The following CCDC88C variants were observed in gnomAD, a reference collection of about 807,000 sequenced individuals.
The protein encoded by CCDC88C is coiled-coil and HOOK domain protein 88C, also known as protein Daple.
A neutral mutation model predicts 198.8 loss-of-function variants in CCDC88C; 131 were observed. That is an observed-to-expected ratio of 0.66 (90% CI 0.57 to 0.76). The LOEUF is 0.76. CCDC88C is among the 30% of genes least tolerant of loss of function. The probability of loss-of-function intolerance (pLI) is 0.00; values close to 1 mark genes in which losing one functional copy is unlikely to be tolerated. For missense variants in CCDC88C, 2,553 were observed against 2,631.6 expected, an observed-to-expected ratio of 0.97 and a Z score of 0.65; for synonymous variants, 1,166 against 1,114.7, an observed-to-expected ratio of 1.05 and a Z score of -0.92.
intron 15 of CCDC88C, among the ~76,000 whole-genome samples, chr14:91,312,123 C>A (rs1891855820): frequency 6.6e-6 from 1 of 152,046 alleles, no homozygotes; most frequent in Admixed American, 6.5e-5. Flanking sequence ...GTGCAGTGGC[C>A]CACACCTGTA....
chr14:91,380,026 C>T (rs1884691921), intron 3 of CCDC88C: 3 of 636,770 alleles, frequency 4.7e-6, no homozygotes, highest in Non-Finnish European at 5.7e-6. Flanking sequence ...CGCTGAAGGT[C>T]CTTTCTCCTT....
At chr14:91,407,093 C>A (rs1327002105) in intron 3 of CCDC88C, among the ~76,000 whole-genome samples, 4 of 151,970 alleles carry the variant, frequency 2.6e-5, no homozygotes, top group Non-Finnish European at 5.9e-5. Flanking sequence ...GCCCCCCCCA[C>A]CCAACAGGAG....
chr14:91,353,640 T>A (rs1285804), intron 4 of CCDC88C, among the ~76,000 whole-genome samples: 1 of 152,212 alleles, frequency 6.6e-6, no homozygotes, highest in Non-Finnish European at 1.5e-5. Context: ...GTGCAGTAGA[T>A]AGAGTTCTGC....
At position 91,337,991 on chromosome 14, in the gene CCDC88C, G is replaced by A; in HGVS notation, c.1050+14C>T. ...AGCAGCCCCATCCAGGGGCCTCACA[G>A]CAAGGCTCCCTACCTCCATGCGGGC... On this transcript the variant is annotated intron_variant, in intron 10 of 29. Coordinates refer to ENST00000389857, the MANE Select transcript of CCDC88C (RefSeq NM_001080414.4). 7 of 1,608,348 alleles carry A rather than the reference G, an allele frequency of 4.4e-6. No individual in the cohort carries two copies. The highest frequency in any genetic ancestry group is 5.1e-6 in the Non-Finnish European group (6 of 1,179,782).
intron 3 of CCDC88C, chr14:91,408,365 C>T (rs945094854): frequency 3.0e-5 from 10 of 334,466 alleles, no homozygotes; most frequent in Middle Eastern, 9.5e-4. Context: ...AGTCCCCACT[C>T]AACTGCATTC....
rs1051411631 is a variant in CCDC88C, at chr14:91,417,482, G to A, written c.60+149C>T. On this transcript the variant is annotated intron_variant, in intron 1 of 29. Transcript: ENST00000389857. The stretch of plus-strand genomic sequence containing the variant: ...ACAAAGCTCCGGACTCCAGGACGCG[G>A]CCCCAACCCCGGCCGGGAGCCACTT... 9.6e-6 allele frequency: 6 copies of A among 625,454 alleles called. No homozygotes were observed. The African/African-American group carries it at 9.8e-5, about 10-fold the overall frequency. The allele number at this position is 625,454 out of a possible 1,614,324, so 38.7% of individuals were successfully genotyped here. A position where few individuals can be genotyped will look rare whatever the true frequency, so the allele number is the denominator to read the frequency against.
chr14:91,397,622 G>T (rs1459502809), intron 3 of CCDC88C, among the ~76,000 whole-genome samples: 1 of 152,210 alleles, frequency 6.6e-6, no homozygotes, highest in East Asian at 1.9e-4. Context: ...CCGCTCTGGG[G>T]TGAGGGGTGA....
In CCDC88C at chr14:91,283,362, T is replaced by C; in HGVS notation, c.4597A>G (p.Thr1533Ala). The change falls in exon 26 of 30, where the codon ACC (threonine) becomes GCC (alanine). Residue 1533 changes from threonine (T) to alanine (A), a missense_variant. This residue lies in a region of CCDC88C where 1,293 missense variants were observed against 1,219.6 expected (regional missense o/e 1.06). Transcript: ENST00000389857. ...SATTTAPSNS[T>A]PIARHPGRTK... ...CGGCCTGGGTGCCGGGCGATGGGGG[T>C]GGAGTTGGAAGGGGCTGTAGTGGTG... 1 of 1,609,062 alleles carries C rather than the reference T, an allele frequency of 6.2e-7. No individual in the cohort carries two copies. The highest frequency in any genetic ancestry group is 1.4e-5 in the African/African-American group (1 of 73,406).
At chr14:91,349,653 C>G (rs1478867867) in intron 4 of CCDC88C, among the ~76,000 whole-genome samples, 2 of 152,166 alleles carry the variant, frequency 1.3e-5, no homozygotes, top group African/African-American at 4.8e-5. Flanking sequence ...ATAGCTGAGT[C>G]TAAGAAAAAC....
At chr14:91,341,874 G>T (rs1876379029) in intron 6 of CCDC88C, among the ~76,000 whole-genome samples, 1 of 152,128 alleles carries the variant, frequency 6.6e-6, no homozygotes, top group African/African-American at 2.4e-5. Context: ...GGGGGCCTGA[G>T]TTGGGGCTGG....
chr14:91,410,309 T>C (rs888285625), intron 2 of CCDC88C, among the ~76,000 whole-genome samples: 6 of 152,282 alleles, frequency 3.9e-5, no homozygotes, highest in African/African-American at 1.4e-4. Flanking sequence ...GAGCCTGTCT[T>C]CACAGTTTCT....
intron 2 of CCDC88C, among the ~76,000 whole-genome samples, chr14:91,409,360 T>C (rs1027885893): frequency 1.1e-4 from 17 of 151,856 alleles, no homozygotes; most frequent in Admixed American, 9.2e-4. Flanking sequence ...TAATTTTTTT[T>C]ATAGAGACAG....
At chr14:91,375,913 A>G (rs1445972660) in intron 3 of CCDC88C, among the ~76,000 whole-genome samples, 1 of 152,224 alleles carries the variant, frequency 6.6e-6, no homozygotes, top group Non-Finnish European at 1.5e-5. Flanking sequence ...ACAGAGGAAT[A>G]AACTGAGATA....
chr14:91,359,204 C>T (rs1187936768), intron 4 of CCDC88C, among the ~76,000 whole-genome samples: 1 of 134,602 alleles, frequency 7.4e-6, no homozygotes, highest in Non-Finnish European at 1.5e-5. Context: ...TTGCTCTGTG[C>T]CCAGGCTGGA....
At position 91,275,682 on chromosome 14, in the gene CCDC88C, T is replaced by A. The variant is rs537535260; in HGVS notation, c.5059-2029A>T. On this transcript the variant is annotated intron_variant, in intron 29 of 29. Transcript: ENST00000389857. ...TTAGTAGAGATGGGGTTTCATTGTA[T>A]CTTTAGTAGAGATGGGGTTTCACTA... 6.3e-4 allele frequency among the ~76,000 whole-genome samples: 96 copies of A among 152,076 alleles called. 1 individual carries two copies. The highest frequency in any genetic ancestry group is 2.3e-3 in the African/African-American group (95 of 41,494).
In CCDC88C at chr14:91,313,804, A is replaced by G. The variant is rs1237550818; in HGVS notation, c.2012T>C (p.Leu671Pro). 1.2e-6 allele frequency: 2 copies of G among 1,604,346 alleles called. No individual in the cohort carries two copies. The highest frequency in any genetic ancestry group is 1.1e-5 in the South Asian group (1 of 90,702). ...CCTCAGAGTCCGGTTCTCCAGCTGC[A>G]GGCCCTGGCTCTCATGCTCCAGGGC... Reference protein sequence around the residue: ...VEALEHESQGLQLENRTLRKS... With the variant: ...VEALEHESQGPQLENRTLRKS... Residue 671 changes from leucine (L) to proline (P), a missense_variant, in exon 15 of 30, where the codon CTG (leucine) becomes CCG (proline). Physicochemically the swap from Leu to Pro is moderately conservative, Grantham distance 98. This residue lies in a region of CCDC88C where 1,260 missense variants were observed against 1,412.0 expected (regional missense o/e 0.89). Transcript: ENST00000389857. This position sits in a 1 kb window ranked among gnomAD's most constrained non-coding sequence, Gnocchi z 5.2.
Position 91,352,371 on chromosome 14 carries a change from A to G in CCDC88C, c.340+7271T>C, listed in dbSNP as rs1567093563. Among the ~76,000 whole-genome samples the G allele has an allele frequency of 6.6e-6, 1 of 152,196 alleles. No individual in the cohort carries two copies. The stretch of plus-strand genomic sequence containing the variant: ...GCCAAACTCTGCACCTTCCTAGGAA[A>G]GGAAAGCCTCGGCTCCTGGCTTAAG... On this transcript the variant is annotated intron_variant, in intron 4 of 29. Transcript: ENST00000389857. This position sits in a 1 kb window ranked among gnomAD's most constrained non-coding sequence, Gnocchi z 4.2.
At chr14:91,281,187 G>T in intron 27 of CCDC88C, 1 of 765,822 alleles carries the variant, frequency 1.3e-6, no homozygotes, top group Non-Finnish European at 2.1e-6. Flanking sequence ...TTCCTGGCCA[G>T]CCTGGAAGGG....
chr14:91,330,842 C>G (rs896146689), intron 10 of CCDC88C, among the ~76,000 whole-genome samples: 3 of 151,974 alleles, frequency 2.0e-5, no homozygotes, highest in Non-Finnish European at 4.4e-5. Flanking sequence ...ATCTGGGACT[C>G]GAGGGTCTAT....
Sources: allele counts gnomAD v4.1 joint callset (sites outside exome capture counted in the v4.1 genomes callset), GRCh38; gene constraint gnomAD v4.1.1; regional missense constraint gnomAD v4.1.1; non-coding constraint Gnocchi (gnomAD v3.1); transcripts MANE v1.5; gene names NCBI Gene and HGNC (gene_info 2026-07-23, HGNC 2026-07-21).